Variants in EPSTI1 observed in about 807,000 individuals in gnomAD.
EPSTI1 encodes epithelial-stromal interaction protein 1.
EPSTI1 carries 66 observed loss-of-function variants against 49.9 expected under a neutral mutation model. The ratio of observed to expected loss-of-function variants is 1.32; its 90% CI spans 1.08 to 1.62. The LOEUF is 1.62. EPSTI1 is among the 40% of genes most tolerant of loss of function. The probability of loss-of-function intolerance (pLI) is 0.00; values close to 1 mark genes in which losing one functional copy is unlikely to be tolerated. For synonymous variants in EPSTI1, 137 were observed against 130.7 expected, an observed-to-expected ratio of 1.05 and a Z score of -0.33; for missense variants, 394 against 365.5, an observed-to-expected ratio of 1.08 and a Z score of -0.64.
chr13:42,955,164 A>C (rs183038357), intron 5 of EPSTI1, among the ~76,000 whole-genome samples: 1 of 152,206 alleles, frequency 6.6e-6, no homozygotes, highest in Non-Finnish European at 1.5e-5. Context: ...GAGGCAAACT[A>C]ATGGAAAATT....
chr13:42,971,449 G>A (rs1035020358), intron 1 of EPSTI1, among the ~76,000 whole-genome samples: 1 of 152,130 alleles, frequency 6.6e-6, no homozygotes, highest in Non-Finnish European at 1.5e-5. Flanking sequence ...AGTCTGTGTG[G>A]GGGTGGCTCT....
intron 5 of EPSTI1, among the ~76,000 whole-genome samples, chr13:42,961,247 G>A (rs1157361894): frequency 6.6e-6 from 1 of 152,242 alleles, no homozygotes; most frequent in Middle Eastern, 3.4e-3. Flanking sequence ...TAGCAGGTAG[G>A]AGCAGGAGGG....
intron 6 of EPSTI1, among the ~76,000 whole-genome samples, chr13:42,952,644 G>C (rs1437042046): frequency 6.6e-6 from 1 of 152,170 alleles, no homozygotes; most frequent in Non-Finnish European, 1.5e-5. Flanking sequence ...GGACAGACAG[G>C]CTAAGGATTC....
At chr13:42,893,581 G>A (rs1213087728) in intron 10 of EPSTI1, among the ~76,000 whole-genome samples, 1 of 152,206 alleles carries the variant, frequency 6.6e-6, no homozygotes, top group African/African-American at 2.4e-5. Flanking sequence ...AGTCTAAGCA[G>A]AGATTTATGG....
At chr13:42,954,923 C>T (rs921867888) in intron 5 of EPSTI1, among the ~76,000 whole-genome samples, 2 of 152,316 alleles carry the variant, frequency 1.3e-5, no homozygotes, top group South Asian at 2.1e-4. Flanking sequence ...TCATCACTTT[C>T]AAGCCCAAAC....
At chr13:42,991,912 T>C (rs2040201126) in intron 1 of EPSTI1, 66 bp downstream of exon 1, 1 of 1,573,648 alleles carries the variant, frequency 6.4e-7, no homozygotes, top group South Asian at 1.1e-5. Flanking sequence ...AGGACCAAGG[T>C]GCTTGTGAGT....
At chr13:42,933,195 A>T (rs1414962437) in intron 6 of EPSTI1, among the ~76,000 whole-genome samples, 1 of 151,912 alleles carries the variant, frequency 6.6e-6, no homozygotes, top group Non-Finnish European at 1.5e-5. Context: ...GATTTTGATC[A>T]TTGTACTATG....
At chr13:42,927,524 C>A (rs2038222682) in intron 6 of EPSTI1, among the ~76,000 whole-genome samples, 1 of 152,138 alleles carries the variant, frequency 6.6e-6, no homozygotes. Context: ...GTACTTAGGA[C>A]ATGGGCATCA....
At chr13:42,929,868 G>A (rs1393491430) in intron 6 of EPSTI1, among the ~76,000 whole-genome samples, 1 of 152,158 alleles carries the variant, frequency 6.6e-6, no homozygotes, top group Non-Finnish European at 1.5e-5. Context: ...GGAAAGACTT[G>A]GCAGATACCA....
At chr13:42,944,900 A>G (rs955622235) in intron 6 of EPSTI1, among the ~76,000 whole-genome samples, 1 of 152,202 alleles carries the variant, frequency 6.6e-6, no homozygotes, top group African/African-American at 2.4e-5. Context: ...AATATGAGTG[A>G]CTTCTGCTTC....
At chr13:42,893,450 A>G (rs2037097359) in intron 10 of EPSTI1, among the ~76,000 whole-genome samples, 1 of 152,198 alleles carries the variant, frequency 6.6e-6, no homozygotes, top group African/African-American at 2.4e-5. Context: ...GCTTCTTTTA[A>G]GTAAGGAAAG....
Position 42,966,435 on chromosome 13 carries a change from G to A in EPSTI1, c.332-2296C>T, listed in dbSNP as rs1224542757. 1.3e-4 allele frequency among the ~76,000 whole-genome samples: 4 copies of A among 30,382 alleles called. 1 individual carries two copies. The highest frequency in any genetic ancestry group is 4.5e-4 in the African/African-American group (4 of 8,924). The allele number at this position is 30,382 out of a possible 152,430, so 19.9% of individuals were successfully genotyped here. ...ATGTGGGGAGCGCCTCTGCCCCGCC[G>A]CCCCATCTGGGATGTGAGGAGCGCC... On this transcript the variant is annotated intron_variant, in intron 3 of 10. Coordinates refer to ENST00000313624, the MANE Select transcript of EPSTI1 (RefSeq NM_033255.5).
At chr13:42,909,307 G>C (rs1444462770) in intron 8 of EPSTI1, among the ~76,000 whole-genome samples, 5 of 152,068 alleles carry the variant, frequency 3.3e-5, no homozygotes, top group Non-Finnish European at 7.4e-5. Flanking sequence ...CAAGAATATG[G>C]AGAAAAGGGA....
intron 9 of EPSTI1, among the ~76,000 whole-genome samples, chr13:42,896,531 G>T (rs998225176): frequency 3.3e-5 from 5 of 152,090 alleles, no homozygotes; most frequent in African/African-American, 9.7e-5. Context: ...TCTACCTCCT[G>T]AACACAACCT....
chr13:42,959,783 G>C (rs545358050), intron 5 of EPSTI1, among the ~76,000 whole-genome samples: 1 of 152,190 alleles, frequency 6.6e-6, no homozygotes, highest in African/African-American at 2.4e-5. Flanking sequence ...ATACCAAGAG[G>C]TTGGGGAATC....
intron 8 of EPSTI1, among the ~76,000 whole-genome samples, chr13:42,914,509 A>C (rs2037775720): frequency 6.6e-6 from 1 of 152,240 alleles, no homozygotes; most frequent in Non-Finnish European, 1.5e-5. Context: ...TAGGAATTAC[A>C]AAAAGACCAC....
intron 6 of EPSTI1, among the ~76,000 whole-genome samples, chr13:42,936,717 C>T (rs1413480412): frequency 6.6e-6 from 1 of 152,086 alleles, no homozygotes; most frequent in African/African-American, 2.4e-5. Context: ...TTTATATTTC[C>T]CACATATCTG....
At chr13:42,931,397 G>A (rs935116196) in intron 6 of EPSTI1, among the ~76,000 whole-genome samples, 19 of 151,402 alleles carry the variant, frequency 1.3e-4, no homozygotes, top group Non-Finnish European at 2.5e-4. Flanking sequence ...AGTAGAGACG[G>A]GGTTTCACCT....
At chr13:42,946,502 A>G (rs1262711155) in intron 6 of EPSTI1, among the ~76,000 whole-genome samples, 3 of 152,192 alleles carry the variant, frequency 2.0e-5, no homozygotes, top group Non-Finnish European at 4.4e-5. Flanking sequence ...ACCCTACAGT[A>G]AGTTTAATTA....
Sources: gnomAD v4.1 joint callset for allele counts (sites outside exome capture counted in the v4.1 genomes callset) on GRCh38, gnomAD v4.1.1 for gene constraint, MANE v1.5 for transcripts, NCBI Gene and HGNC (gene_info 2026-07-23, HGNC 2026-07-21) for gene names.